Variants in SULT1C3 observed in about 807,000 individuals in gnomAD.
The protein encoded by SULT1C3 is sulfotransferase 1C3.
Under a neutral mutation model 28.4 loss-of-function variants are expected in SULT1C3, and 31 were observed. The observed-to-expected ratio is 1.09, with a 90% CI of 0.82 to 1.47. SULT1C3 has a LOEUF of 1.47. SULT1C3 is among the 40% of genes most tolerant of loss of function. SULT1C3 has a pLI of 0.00. For synonymous variants in SULT1C3, 106 were observed against 92.2 expected (o/e 1.15, Z -0.86); for missense variants, 307 against 272.5 (o/e 1.13, Z -0.89).
chr2:108,253,345 A>G lies in SULT1C3; in HGVS notation c.302A>G (p.Asp101Gly), dbSNP rs779684598. ...ELKFPHKEKPDLEFVLEMSSP... is the reference protein window; with the variant it reads ...ELKFPHKEKPGLEFVLEMSSP... ...AAGAATATAAATTGTTTCTTGCTAGATTTGGAGTTCGTTCTTGAAATGTCC... is the reference window on the plus strand; with the variant it reads ...AAGAATATAAATTGTTTCTTGCTAGGTTTGGAGTTCGTTCTTGAAATGTCC... Residue 101 changes from aspartate to glycine, a missense_variant and splice_region_variant, in exon 4 of 8, where the codon GAT becomes GGT. Asp to Gly is a moderately conservative substitution (Grantham distance 94, BLOSUM62 -1). Coordinates refer to ENST00000681802, the MANE Select transcript of SULT1C3 (RefSeq NM_001320878.2). The G allele has an allele frequency of 1.3e-6, 2 of 1,524,934 alleles. No individual in the cohort carries two copies. The highest frequency in any genetic ancestry group is 1.8e-6 in the Non-Finnish European group (2 of 1,137,192). The allele number at this position is 1,524,934 out of a possible 1,614,324, so 94.5% of individuals were successfully genotyped here.
chr2:108,262,053 G>A (rs1019319710), downstream of SULT1C3, among the ~76,000 whole-genome samples: 1 of 152,072 alleles, frequency 6.6e-6, no homozygotes, highest in South Asian at 2.1e-4. Context: ...CCTACATCCA[G>A]CCAGATAACC....
intron 1 of SULT1C3, among the ~76,000 whole-genome samples, chr2:108,242,013 G>GA (rs1473961980): frequency 6.6e-6 from 1 of 151,506 alleles, no homozygotes; most frequent in Non-Finnish European, 1.5e-5. Context: ...GACCCAGACA[G>GA]AAACGCAAAT....
downstream of SULT1C3, among the ~76,000 whole-genome samples, chr2:108,264,280 C>T (rs181208055): frequency 6.6e-6 from 1 of 152,340 alleles, no homozygotes; most frequent in Non-Finnish European, 1.5e-5. Context: ...TTCTCTCTTT[C>T]TGTATCTCTT....
intron 4 of SULT1C3, among the ~76,000 whole-genome samples, chr2:108,254,481 T>C (rs1012931674): frequency 1.3e-5 from 2 of 151,988 alleles, no homozygotes; most frequent in African/African-American, 2.4e-5. Flanking sequence ...GTTCACCACA[T>C]TGCATTATAA....
Position 108,247,297 on chromosome 2 carries a change from T to G in SULT1C3, c.103T>G (p.Trp35Gly). 6.2e-7 allele frequency: 1 copy of G among 1,600,174 alleles called. No homozygotes were observed. The highest frequency in any genetic ancestry group is 8.5e-7 in the Non-Finnish European group (1 of 1,172,344). ...CCCTACGTTGATATTATCAAAAGAA[T>G]GGTGGGAAAAAGTATGTAATTTCCA... ...GVPTLILSKE[W>G]WEKVCNFQAK... The change falls in exon 2 of 8, where the codon TGG becomes GGG. Residue 35 changes from tryptophan (W) to glycine (G), a missense_variant. By Grantham distance (184) the Trp-to-Gly change is radical. Coordinates refer to ENST00000681802, the MANE Select transcript of SULT1C3 (RefSeq NM_001320878.2).
downstream of SULT1C3, chr2:108,264,715 G>A: frequency 9.2e-7 from 1 of 1,087,892 alleles, no homozygotes; most frequent in South Asian, 1.7e-5. Flanking sequence ...TTTTTAAAAT[G>A]TGTTCAAATG....
At chr2:108,251,382 T>C (rs55739110) in intron 2 of SULT1C3, among the ~76,000 whole-genome samples, 39,574 of 151,960 alleles carry the variant, frequency 0.26, 6,326 homozygotes, top group South Asian at 0.39. Flanking sequence ...TGTCACCACA[T>C]AGTTTTATTC....
At chr2:108,253,831 T>C (rs1294528016) in intron 4 of SULT1C3, among the ~76,000 whole-genome samples, 1 of 151,998 alleles carries the variant, frequency 6.6e-6, no homozygotes, top group Non-Finnish European at 1.5e-5. Flanking sequence ...TAGAATCTGC[T>C]CTTGTCAAGG....
chr2:108,263,508 T>C (rs1676068619), downstream of SULT1C3, among the ~76,000 whole-genome samples: 1 of 152,164 alleles, frequency 6.6e-6, no homozygotes, highest in Admixed American at 6.5e-5. Context: ...ATATGGGGCA[T>C]TGTAATATTT....
chr2:108,247,580 T>C (rs945208242), intron 2 of SULT1C3, among the ~76,000 whole-genome samples: 1 of 152,156 alleles, frequency 6.6e-6, no homozygotes, highest in African/African-American at 2.4e-5. Context: ...GATTTCTAAA[T>C]GCTTTGGTAG....
At chr2:108,263,809 A>G (rs558568798), downstream of SULT1C3, among the ~76,000 whole-genome samples, 3 of 152,222 alleles carry the variant, frequency 2.0e-5, no homozygotes, top group East Asian at 5.8e-4. Context: ...AGCTCTAACT[A>G]CTTTTTCGGT....
chr2:108,263,351 T>A (rs901982051), downstream of SULT1C3, among the ~76,000 whole-genome samples: 2 of 152,224 alleles, frequency 1.3e-5, no homozygotes, highest in Admixed American at 6.5e-5. Context: ...TGGCTTTTTT[T>A]AATATTTAAC....
At position 108,246,919 on chromosome 2, in the gene SULT1C3, T is replaced by C. The variant is rs187339583; in HGVS notation, c.-7-269T>C. Among the ~76,000 whole-genome samples, 7 of 152,298 alleles carry C rather than the reference T, an allele frequency of 4.6e-5. No homozygotes were observed. The East Asian group carries it at 1.3e-3, about 29-fold the overall frequency. On this transcript the variant is annotated intron_variant, in intron 1 of 7. Coordinates refer to ENST00000681802, the MANE Select transcript of SULT1C3 (RefSeq NM_001320878.2). ...GTATAAATCTCAGCCCCAACAGGTA[T>C]TGATTATTTTACTTTTATCAAATTA...
At chr2:108,251,118 A>G (rs1675716357) in intron 2 of SULT1C3, among the ~76,000 whole-genome samples, 1 of 152,062 alleles carries the variant, frequency 6.6e-6, no homozygotes, top group Non-Finnish European at 1.5e-5. Flanking sequence ...GATTGAAGAT[A>G]ACTGTTATTC....
At position 108,252,403 on chromosome 2, in the gene SULT1C3, A is replaced by T. The variant is rs772541008; in HGVS notation, c.211A>T (p.Asn71Tyr). Reference sequence around the variant, plus strand: ...GCATGAAATTTTAGACATGATTCTAAATGATGGTGATGTGGAGAAATGCAA... The same window carrying T: ...GCATGAAATTTTAGACATGATTCTATATGATGGTGATGTGGAGAAATGCAA... ...WMHEILDMIL[N>Y]DGDVEKCKRA... is the part of the protein sequence containing the mutation. The change falls in exon 3 of 8, where the codon AAT becomes TAT. Residue 71 changes from asparagine to tyrosine, a missense_variant. Transcript: ENST00000681802. The T allele has an allele frequency of 8.1e-6, 13 of 1,611,668 alleles. No homozygotes were observed. Among genetic ancestry groups the T allele is most frequent in the Admixed American group, 6.7e-5 (4 of 59,810 alleles).
intron 2 of SULT1C3, among the ~76,000 whole-genome samples, chr2:108,248,989 T>G (rs1174382207): frequency 6.6e-6 from 1 of 152,160 alleles, no homozygotes; most frequent in Non-Finnish European, 1.5e-5. Context: ...ATTATAGATT[T>G]AATGATGAAG....
intron 2 of SULT1C3, among the ~76,000 whole-genome samples, chr2:108,249,124 C>A (rs1573217312): frequency 1.3e-5 from 2 of 151,986 alleles, no homozygotes; most frequent in Admixed American, 1.3e-4. Context: ...CTAGCTGATA[C>A]CTTGATTTTA....
intron 2 of SULT1C3, among the ~76,000 whole-genome samples, chr2:108,251,351 G>T (rs950190580): frequency 6.6e-6 from 1 of 151,964 alleles, no homozygotes; most frequent in Non-Finnish European, 1.5e-5. Context: ...AGGAGAACTG[G>T]CTGGTCACAT....
rs377245615 is a variant in SULT1C3 at position 108,244,981 on chromosome 2, AG to A, written c.-7-2203del. On this transcript the variant is annotated intron_variant, in intron 1 of 7. Coordinates refer to ENST00000681802, the MANE Select transcript of SULT1C3 (RefSeq NM_001320878.2). ...GTCCCAGTGCTTCAAAATACACTCCAGGGGAGTGCATGTTGAAGATGATCTG... is the reference window on the plus strand; with the variant it reads ...GTCCCAGTGCTTCAAAATACACTCCAGGGAGTGCATGTTGAAGATGATCTG... Among the ~76,000 whole-genome samples, 37 of 152,274 alleles carry A rather than the reference AG, an allele frequency of 2.4e-4. No individual in the cohort carries two copies. In the East Asian group the frequency reaches 7.0e-3, roughly 29 times the overall value.
Sources: gnomAD v4.1 joint callset for allele counts (sites outside exome capture counted in the v4.1 genomes callset) on GRCh38, gnomAD v4.1.1 for gene constraint, MANE v1.5 for transcripts, NCBI Gene and HGNC (gene_info 2026-07-23, HGNC 2026-07-21) for gene names.